Variants in SPAG16 observed in about 807,000 individuals in gnomAD.
The protein encoded by SPAG16 is sperm-associated antigen 16 protein.
SPAG16 carries 86 observed loss-of-function variants against 80.4 expected under a neutral mutation model. The observed-to-expected ratio is 1.07, with a 90% CI of 0.90 to 1.28. The LOEUF (loss-of-function observed/expected upper bound fraction) is 1.28, where lower values mean the gene tolerates loss of function less well. SPAG16 is among the 50% of genes most tolerant of loss of function. The probability of loss-of-function intolerance (pLI) is 0.00; values close to 1 mark genes in which losing one functional copy is unlikely to be tolerated. For synonymous variants in SPAG16, 294 were observed against 265.9 expected (o/e 1.11, Z -1.03); for missense variants, 870 against 765.3 (o/e 1.14, Z -1.61).
chr2:213,642,396 A>G (rs2062626299), intron 10 of SPAG16, among the ~76,000 whole-genome samples: 1 of 152,072 alleles, frequency 6.6e-6, no homozygotes, highest in South Asian at 2.1e-4. Context: ...AGTATTTCTT[A>G]TAGGACAGGT....
chr2:213,487,565 G>T (rs1322825549), intron 9 of SPAG16, among the ~76,000 whole-genome samples: 1 of 151,976 alleles, frequency 6.6e-6, no homozygotes, highest in Non-Finnish European at 1.5e-5. Context: ...GCTTAGATTG[G>T]ATTGTTTTTA....
At chr2:213,874,331 T>G (rs1190842754) in intron 11 of SPAG16, among the ~76,000 whole-genome samples, 1 of 152,220 alleles carries the variant, frequency 6.6e-6, no homozygotes, top group Admixed American at 6.6e-5. Context: ...TTTTGATTAT[T>G]TTGTTAACAG....
intron 10 of SPAG16, among the ~76,000 whole-genome samples, chr2:213,842,080 G>A (rs1354573190): frequency 1.3e-5 from 2 of 152,076 alleles, no homozygotes; most frequent in East Asian, 3.9e-4. Flanking sequence ...AAATAGGAAA[G>A]CATTATAACA....
At chr2:213,341,028 T>G (rs1270030369) in intron 6 of SPAG16, among the ~76,000 whole-genome samples, 3 of 152,192 alleles carry the variant, frequency 2.0e-5, no homozygotes, top group Admixed American at 6.6e-5. Context: ...TAAAGAATAC[T>G]TTTCACATAA....
At chr2:213,835,779 T>C (rs548580731) in intron 10 of SPAG16, among the ~76,000 whole-genome samples, 1 of 152,204 alleles carries the variant, frequency 6.6e-6, no homozygotes, top group Non-Finnish European at 1.5e-5. Context: ...TAACAACCCA[T>C]AACTATGTGA....
chr2:213,373,519 C>T (rs994219236), intron 8 of SPAG16, among the ~76,000 whole-genome samples: 1 of 152,074 alleles, frequency 6.6e-6, no homozygotes, highest in African/African-American at 2.4e-5. Context: ...ATAAACCATG[C>T]CCTTTTGGAT....
At chr2:214,229,847 T>A (rs112073565) in intron 15 of SPAG16, among the ~76,000 whole-genome samples, 3,483 of 152,016 alleles carry the variant, frequency 0.023, 89 homozygotes, top group African/African-American at 0.06. Context: ...CTGCTGCAGT[T>A]TGTATAGCAT....
intron 15 of SPAG16, among the ~76,000 whole-genome samples, chr2:214,250,945 T>TA (rs915438256): frequency 6.6e-6 from 1 of 151,438 alleles, no homozygotes; most frequent in African/African-American, 2.4e-5. Context: ...TACATCATAT[T>TA]AAAAAAATAG....
At chr2:213,940,093 G>T (rs1041305586) in intron 12 of SPAG16, among the ~76,000 whole-genome samples, 5 of 151,918 alleles carry the variant, frequency 3.3e-5, no homozygotes, top group African/African-American at 1.2e-4. Context: ...CATTTGAAAA[G>T]GTACAAAATT....
intron 10 of SPAG16, among the ~76,000 whole-genome samples, chr2:213,500,480 C>T (rs1044281588): frequency 1.7e-4 from 26 of 152,134 alleles, no homozygotes; most frequent in Non-Finnish European, 3.5e-4. Flanking sequence ...TCGAGAAAAA[C>T]CCAGTTATTT....
chr2:213,853,053 G>A (rs1363082273), intron 10 of SPAG16, among the ~76,000 whole-genome samples: 1 of 152,140 alleles, frequency 6.6e-6, no homozygotes. Context: ...TAGGTAAGTG[G>A]TCATCTAATG....
chr2:213,788,379 A>G (rs2070475754), intron 10 of SPAG16, among the ~76,000 whole-genome samples: 3 of 151,964 alleles, frequency 2.0e-5, no homozygotes, highest in African/African-American at 4.8e-5. Context: ...GTATATAAAT[A>G]TAAACATTAT....
chr2:213,895,013 A>AAAAAAAAAC lies in SPAG16; in HGVS notation c.1214+32391_1214+32392insAACAAAAAA, dbSNP rs1559560397. On this transcript the variant is annotated intron_variant, in intron 11 of 15. Coordinates refer to ENST00000331683, the MANE Select transcript of SPAG16 (RefSeq NM_024532.5). ...AAAAAAAAAAAAAAAAAAAAAAAAA[A>AAAAAAAAAC]AAAAAACTGAAAGACTCTACCAAAA... 2.9e-5 allele frequency among the ~76,000 whole-genome samples: 4 copies of AAAAAAAAAC among 137,060 alleles called. 1 individual carries two copies. Among genetic ancestry groups the AAAAAAAAAC allele is most frequent in the Non-Finnish European group, 6.3e-5 (4 of 63,226 alleles). The allele number at this position is 137,060 out of a possible 152,430, so 89.9% of individuals were successfully genotyped here. A position where few individuals can be genotyped will look rare whatever the true frequency, so the allele number is the denominator to read the frequency against.
intron 13 of SPAG16, among the ~76,000 whole-genome samples, chr2:214,066,277 T>C (rs1246709562): frequency 6.6e-6 from 1 of 152,098 alleles, no homozygotes; most frequent in Non-Finnish European, 1.5e-5. Context: ...AAAGACCAAC[T>C]CTGGCTGCCC....
At chr2:213,829,603 C>T (rs2125713164) in intron 10 of SPAG16, among the ~76,000 whole-genome samples, 1 of 152,234 alleles carries the variant, frequency 6.6e-6, no homozygotes, top group Admixed American at 6.5e-5. Flanking sequence ...TGTGAATGTG[C>T]TGGATCACAC....
intron 12 of SPAG16, among the ~76,000 whole-genome samples, chr2:213,974,017 T>C (rs899401017): frequency 5.3e-5 from 8 of 152,090 alleles, no homozygotes; most frequent in African/African-American, 1.9e-4. Context: ...AAAAGATTAA[T>C]AAGGATAACT....
chr2:214,096,748 C>A (rs2052618401), intron 13 of SPAG16, among the ~76,000 whole-genome samples: 1 of 151,962 alleles, frequency 6.6e-6, no homozygotes, highest in Non-Finnish European at 1.5e-5. Context: ...GCTAATTAGG[C>A]TTGATTTGCA....
At chr2:213,383,616 C>A (rs1305879764) in intron 9 of SPAG16, among the ~76,000 whole-genome samples, 1 of 152,106 alleles carries the variant, frequency 6.6e-6, no homozygotes, top group African/African-American at 2.4e-5. Flanking sequence ...TTTGTAGGAC[C>A]TTATTCTCCT....
chr2:214,190,334 T>C (rs1207446993), intron 15 of SPAG16, among the ~76,000 whole-genome samples: 2 of 152,136 alleles, frequency 1.3e-5, no homozygotes, highest in African/African-American at 2.4e-5. Context: ...TTGGAATTTA[T>C]ATAGGAGAAA....
Sources: allele counts gnomAD v4.1 joint callset (sites outside exome capture counted in the v4.1 genomes callset), GRCh38; gene constraint gnomAD v4.1.1; transcripts MANE v1.5; gene names NCBI Gene and HGNC (gene_info 2026-07-23, HGNC 2026-07-21).